Variants in CADM2 observed in about 807,000 individuals in gnomAD.
CADM2 encodes the protein immunoglobulin superfamily member 4D.
In CADM2, 12 loss-of-function variants were observed where a neutral mutation model predicts 49.8. That is an observed-to-expected ratio of 0.24 (90% CI 0.15 to 0.39). CADM2 has a LOEUF of 0.39. CADM2 is among the 10% of genes least tolerant of loss of function. The pLI is 1.00. For synonymous variants in CADM2, 214 were observed against 175.4 expected (o/e 1.22, Z -1.74); for missense variants, 378 against 492.3 (o/e 0.77, Z 2.20).
intron 1 of CADM2, among the ~76,000 whole-genome samples, chr3:85,323,564 T>C (rs1248473195): frequency 6.6e-6 from 1 of 152,170 alleles, no homozygotes; most frequent in Non-Finnish European, 1.5e-5. Flanking sequence ...GCACATATCA[T>C]GATAACCTTA....
intron 1 of CADM2, among the ~76,000 whole-genome samples, chr3:85,181,857 G>A (rs1484792405): frequency 6.7e-6 from 1 of 149,122 alleles, no homozygotes; most frequent in Non-Finnish European, 1.5e-5. Context: ...AAAAAACATT[G>A]CCCTTAATTT....
intron 1 of CADM2, among the ~76,000 whole-genome samples, chr3:85,044,276 C>A (rs1237281359): frequency 6.6e-6 from 1 of 151,402 alleles, no homozygotes; most frequent in East Asian, 1.9e-4. Flanking sequence ...AATACAAGGT[C>A]ATATCTATTC....
chr3:85,469,915 T>C (rs1427718083), intron 1 of CADM2, among the ~76,000 whole-genome samples: 1 of 152,090 alleles, frequency 6.6e-6, no homozygotes, highest in African/African-American at 2.4e-5. Context: ...TTTCCTGATA[T>C]GTTGGGTCCT....
At chr3:85,448,981 C>T (rs570585156) in intron 1 of CADM2, among the ~76,000 whole-genome samples, 102 of 150,540 alleles carry the variant, frequency 6.8e-4, no homozygotes, top group African/African-American at 2.4e-3. Context: ...ACCCGGGAGG[C>T]GGAAGTTGCA....
At chr3:85,508,179 G>C (rs149197820) in intron 1 of CADM2, among the ~76,000 whole-genome samples, 1 of 152,060 alleles carries the variant, frequency 6.6e-6, no homozygotes, top group Non-Finnish European at 1.5e-5. Context: ...CCATGAGCAC[G>C]TATTGTTTTC....
intron 1 of CADM2, among the ~76,000 whole-genome samples, chr3:85,146,942 A>G (rs1265514689): frequency 2.0e-5 from 3 of 152,012 alleles, no homozygotes; most frequent in South Asian, 4.1e-4. Context: ...ATAGTGGATT[A>G]AGGGGGGAAA....
chr3:85,312,900 AATTT>A (rs1281091422), intron 1 of CADM2, among the ~76,000 whole-genome samples: 1 of 152,182 alleles, frequency 6.6e-6, no homozygotes, highest in East Asian at 1.9e-4. Flanking sequence ...ATTAAGAATT[AATTT>A]ATTTTTCAAC....
intron 1 of CADM2, among the ~76,000 whole-genome samples, chr3:85,052,403 G>T (rs1217273293): frequency 6.6e-6 from 1 of 151,876 alleles, no homozygotes; most frequent in Non-Finnish European, 1.5e-5. Context: ...TGTACAATAG[G>T]GTTTTATACA....
intron 5 of CADM2, among the ~76,000 whole-genome samples, chr3:85,893,303 C>A: frequency 6.6e-6 from 1 of 152,024 alleles, no homozygotes; most frequent in East Asian, 1.9e-4. Context: ...ATGTAGAAAG[C>A]TGAAACTGGA....
chr3:85,243,667 A>G (rs1241603851), intron 1 of CADM2, among the ~76,000 whole-genome samples: 2 of 152,050 alleles, frequency 1.3e-5, no homozygotes, highest in Non-Finnish European at 2.9e-5. Context: ...TTCAGCCATA[A>G]CTAATGTCCA....
intron 1 of CADM2, among the ~76,000 whole-genome samples, chr3:85,350,608 A>G (rs1294516573): frequency 6.6e-6 from 1 of 152,166 alleles, no homozygotes; most frequent in Non-Finnish European, 1.5e-5. Context: ...TTCAGAAAAT[A>G]CTGTGATCTT....
intron 1 of CADM2, among the ~76,000 whole-genome samples, chr3:85,461,521 T>C (rs572635557): frequency 6.6e-6 from 1 of 152,330 alleles, no homozygotes; most frequent in Admixed American, 6.5e-5. Flanking sequence ...TTTCTGAATA[T>C]GCAGTCATGT....
intron 1 of CADM2, among the ~76,000 whole-genome samples, chr3:85,513,025 C>A (rs565444605): frequency 3.3e-5 from 5 of 152,096 alleles, no homozygotes; most frequent in African/African-American, 1.2e-4. Context: ...TGTTCCAATG[C>A]TTTCTAGAGA....
chr3:85,049,099 G>A (rs1426489225), intron 1 of CADM2, among the ~76,000 whole-genome samples: 1 of 152,132 alleles, frequency 6.6e-6, no homozygotes, highest in Non-Finnish European at 1.5e-5. Context: ...ATGTGGTAGA[G>A]TGATTCATTC....
chr3:86,000,519 T>A lies in CADM2; in HGVS notation c.970+38872T>A, dbSNP rs942165825. On this transcript the variant is annotated intron_variant, in intron 8 of 9. Coordinates refer to ENST00000383699, the MANE Select transcript of CADM2 (RefSeq NM_001167675.2). ...TTTAAAATATATAGAGTTCTCTGAT[T>A]TGCTGTACAAGGTCATCATAAAGGA... 5.3e-5 allele frequency among the ~76,000 whole-genome samples: 8 copies of A among 152,224 alleles called. No homozygotes were observed. The East Asian group carries it at 5.8e-4, about 11-fold the overall frequency.
At chr3:85,161,394 C>G (rs1452852368) in intron 1 of CADM2, among the ~76,000 whole-genome samples, 1 of 151,906 alleles carries the variant, frequency 6.6e-6, no homozygotes, top group Non-Finnish European at 1.5e-5. Context: ...AGAGGTACGC[C>G]CTGGGCTCCT....
Position 86,065,726 on chromosome 3 carries a change from T to A in CADM2, c.1092T>A (p.His364Gln). Residue 364 changes from histidine (H) to glutamine (Q), a missense_variant, in exon 9 of 10, where the codon CAT becomes CAA. Physicochemically the swap from His to Gln is conservative, Grantham distance 24. Coordinates refer to ENST00000383699, the MANE Select transcript of CADM2 (RefSeq NM_001167675.2). Reference sequence around the variant, plus strand: ...TGCTTGGTCGATATCTGGCAAGGCATAAAGGTACGTTATATTTAGCCAGAG... The same window carrying A: ...TGCTTGGTCGATATCTGGCAAGGCAAAAAGGTACGTTATATTTAGCCAGAG... ...IFLLGRYLAR[H>Q]KGTYLTNEAK... is the part of the protein sequence containing the mutation. 1 of 1,613,520 alleles carries A rather than the reference T, an allele frequency of 6.2e-7. No individual in the cohort carries two copies. The highest frequency in any genetic ancestry group is 8.5e-7 in the Non-Finnish European group (1 of 1,179,790).
intron 1 of CADM2, among the ~76,000 whole-genome samples, chr3:85,444,436 T>C (rs1207567546): frequency 1.7e-5 from 2 of 114,714 alleles, no homozygotes; most frequent in Non-Finnish European, 3.8e-5. Context: ...TGTCTTTTCC[T>C]ACACACTCAC....
intron 2 of CADM2, among the ~76,000 whole-genome samples, chr3:85,758,362 G>A (rs1265008030): frequency 2.6e-5 from 4 of 152,076 alleles, no homozygotes; most frequent in Admixed American, 6.6e-5. Flanking sequence ...TTAGTTGATG[G>A]TAATTATAAA....
Sources: gnomAD v4.1 joint callset for allele counts (sites outside exome capture counted in the v4.1 genomes callset) on GRCh38, gnomAD v4.1.1 for gene constraint, MANE v1.5 for transcripts, NCBI Gene and HGNC (gene_info 2026-07-23, HGNC 2026-07-21) for gene names.